ANKRD44: variants seen among roughly 807,000 people sequenced by gnomAD.
ANKRD44 encodes the protein ankyrin repeat domain 44.
In ANKRD44, 35 loss-of-function variants were observed where a neutral mutation model predicts 116.0. The observed-to-expected ratio is 0.30, with a 90% CI of 0.23 to 0.40. ANKRD44 has a LOEUF of 0.40. Ranked by LOEUF, ANKRD44 falls within the 10% of genes least tolerant of loss-of-function variation. The pLI is 1.00. For missense variants in ANKRD44, 1,014 were observed against 1,242.6 expected (o/e 0.82, Z 2.77); for synonymous variants, 435 against 461.8 (o/e 0.94, Z 0.74).
intron 4 of ANKRD44, among the ~76,000 whole-genome samples, chr2:197,133,077 T>C (rs766602585): frequency 2.0e-5 from 3 of 152,238 alleles, no homozygotes; most frequent in Non-Finnish European, 4.4e-5. Flanking sequence ...TGGTATGCTG[T>C]TGGGCACCAG....
chr2:197,136,184 C>A, intron 4 of ANKRD44: 1 of 189,454 alleles, frequency 5.3e-6, no homozygotes, highest in Non-Finnish European at 1.1e-5. Flanking sequence ...GTCCTCCCTC[C>A]TTCTCCTGGC....
At chr2:196,967,494 A>T in intron 21 of ANKRD44, 1 of 445,796 alleles carries the variant, frequency 2.2e-6, no homozygotes. Context: ...GTGTGCAATT[A>T]TGTTAATTGT....
At chr2:197,300,239 T>C (rs570154308) in intron 1 of ANKRD44, among the ~76,000 whole-genome samples, 57 of 152,338 alleles carry the variant, frequency 3.7e-4, no homozygotes, top group African/African-American at 1.4e-3. Context: ...TCCTATCCAG[T>C]TTGCAAATTG....
At chr2:197,067,497 C>T (rs1281102310) in intron 16 of ANKRD44, among the ~76,000 whole-genome samples, 5 of 147,106 alleles carry the variant, frequency 3.4e-5, no homozygotes, top group African/African-American at 5.0e-5. Flanking sequence ...CTACAATGAA[C>T]TCAAACAAAT....
intron 1 of ANKRD44, among the ~76,000 whole-genome samples, chr2:197,192,067 C>T (rs1346731655): frequency 1.3e-5 from 2 of 152,154 alleles, no homozygotes; most frequent in Admixed American, 6.5e-5. Flanking sequence ...CCACTCCATC[C>T]GGCTATGAAG....
At chr2:196,994,804 T>C (rs1252180138) in intron 26 of ANKRD44, 1 of 152,604 alleles carries the variant, frequency 6.6e-6, no homozygotes, top group Non-Finnish European at 1.5e-5. Flanking sequence ...ATTAAAGGCA[T>C]GAGCCACCAC....
chr2:197,034,185 G>C (rs1208740518), intron 16 of ANKRD44, among the ~76,000 whole-genome samples: 1 of 151,644 alleles, frequency 6.6e-6, no homozygotes. Context: ...AACCTATCTT[G>C]TCAAAATCCA....
At chr2:197,261,122 T>G (rs2082591851) in intron 1 of ANKRD44, among the ~76,000 whole-genome samples, 1 of 151,524 alleles carries the variant, frequency 6.6e-6, no homozygotes, top group Non-Finnish European at 1.5e-5. Context: ...TTGCCATTGC[T>G]TTTGGTGTTT....
At chr2:196,969,393 C>T (rs2075698440) in intron 21 of ANKRD44, among the ~76,000 whole-genome samples, 2 of 152,108 alleles carry the variant, frequency 1.3e-5, no homozygotes, top group South Asian at 4.1e-4. Context: ...CAGACCCTTG[C>T]ATTTTTCTTC....
intron 16 of ANKRD44, among the ~76,000 whole-genome samples, chr2:197,045,729 A>G (rs1464540748): frequency 6.6e-6 from 1 of 152,164 alleles, no homozygotes; most frequent in East Asian, 1.9e-4. Flanking sequence ...TTTCTTTTCC[A>G]TTGACTTTTT....
chr2:197,238,341 T>G (rs1202668398), intron 1 of ANKRD44, among the ~76,000 whole-genome samples: 2 of 151,822 alleles, frequency 1.3e-5, no homozygotes, highest in Admixed American at 6.6e-5. Flanking sequence ...AAAAAAATGG[T>G]CAGGTCAAAT....
At chr2:197,016,076 G>A in intron 17 of ANKRD44, 1 of 463,238 alleles carries the variant, frequency 2.2e-6, no homozygotes. Flanking sequence ...CAGGAGAGCT[G>A]CAGGTTACTT....
At chr2:197,155,192 T>C (rs2079778364) in intron 2 of ANKRD44, among the ~76,000 whole-genome samples, 1 of 152,212 alleles carries the variant, frequency 6.6e-6, no homozygotes, top group African/African-American at 2.4e-5. Context: ...TCAAATTTGA[T>C]CCTTAAAACA....
intron 16 of ANKRD44, among the ~76,000 whole-genome samples, chr2:197,056,178 C>G (rs1490182930): frequency 6.6e-6 from 1 of 152,066 alleles, no homozygotes; most frequent in Non-Finnish European, 1.5e-5. Context: ...TTTTTTATAT[C>G]TGGAAGTCTA....
intron 8 of ANKRD44, among the ~76,000 whole-genome samples, chr2:197,118,220 AAAT>A (rs1161873615): frequency 6.6e-6 from 1 of 151,810 alleles, no homozygotes; most frequent in Non-Finnish European, 1.5e-5. Flanking sequence ...CTCAATAAAA[AAAT>A]AATAATAATA....
At chr2:197,059,706 G>T (rs1346935802) in intron 16 of ANKRD44, among the ~76,000 whole-genome samples, 1 of 152,172 alleles carries the variant, frequency 6.6e-6, no homozygotes, top group Non-Finnish European at 1.5e-5. Context: ...ATGGTGATGT[G>T]ATTCAGCAAT....
At chr2:197,191,899 C>T (rs191953008) in intron 1 of ANKRD44, among the ~76,000 whole-genome samples, 211 of 152,218 alleles carry the variant, frequency 1.4e-3, no homozygotes, top group African/African-American at 4.5e-3. Context: ...CTAAAACCTA[C>T]GTGCTAAGGT....
At chr2:197,155,826 A>G (rs1165271016) in intron 2 of ANKRD44, among the ~76,000 whole-genome samples, 1 of 152,260 alleles carries the variant, frequency 6.6e-6, no homozygotes, top group Non-Finnish European at 1.5e-5. Flanking sequence ...GAATTTTATC[A>G]AAATGAATAA....
intron 17 of ANKRD44, among the ~76,000 whole-genome samples, chr2:197,022,953 C>T (rs1224044171): frequency 6.6e-6 from 1 of 152,348 alleles, no homozygotes; most frequent in Non-Finnish European, 1.5e-5. Flanking sequence ...GATATTTCCT[C>T]GCCTGTTTGT....
Sources: allele counts gnomAD v4.1 joint callset (sites outside exome capture counted in the v4.1 genomes callset), GRCh38; gene constraint gnomAD v4.1.1; transcripts MANE v1.5; gene names NCBI Gene and HGNC (gene_info 2026-07-23, HGNC 2026-07-21).